The following GPHN variants were observed in gnomAD, a reference collection of about 807,000 sequenced individuals.
GPHN encodes gephyrin.
Under a neutral mutation model 95.5 loss-of-function variants are expected in GPHN, and 17 were observed. The ratio of observed to expected loss-of-function variants is 0.18; its 90% confidence interval spans 0.12 to 0.27. The LOEUF (loss-of-function observed/expected upper bound fraction) is 0.27, where lower values mean the gene tolerates loss of function less well. GPHN is among the 10% of genes least tolerant of loss of function. The pLI, the probability that GPHN is intolerant of heterozygous loss-of-function variation, is 1.00. For missense variants in GPHN, 660 were observed against 978.1 expected, an observed-to-expected ratio of 0.67 and a Z score of 4.34; for synonymous variants, 320 against 322.5, an observed-to-expected ratio of 0.99 and a Z score of 0.08.
the GPHN span, chr14:67,447,406 A>G: frequency 6.6e-6 from 1 of 152,234 alleles, no homozygotes; most frequent in African/African-American, 2.4e-5. Context: ...GGAAGATTTG[A>G]ATTTAAAGCA....
intron 1 of GPHN, among the ~76,000 whole-genome samples, chr14:66,622,868 C>T (rs968238781): frequency 6.6e-6 from 1 of 152,188 alleles, no homozygotes; most frequent in African/African-American, 2.4e-5. Context: ...TCCAAACTTT[C>T]CCAGATTTTC....
At chr14:67,089,129 T>A in intron 12 of GPHN, 54 bp downstream of exon 12, 1 of 476,556 alleles carries the variant, frequency 2.1e-6, no homozygotes, top group Non-Finnish European at 3.0e-6. Flanking sequence ...TTTTTTCTTT[T>A]TTTCTTTTTT....
At chr14:67,727,084 C>T in the GPHN span, 5 of 1,614,180 alleles carry the variant, frequency 3.1e-6, no homozygotes, top group South Asian at 1.1e-5. Flanking sequence ...GCAAGATTCC[C>T]TTCCACGACC....
chr14:66,932,462 T>TG lies in GPHN; in HGVS notation c.828+8170_828+8171insG, dbSNP rs1567118523. Among the ~76,000 whole-genome samples, 92 of 131,326 alleles carry TG rather than the reference T, an allele frequency of 7.0e-4. 1 individual carries two copies. Among genetic ancestry groups the TG allele is most frequent in the Non-Finnish European group, 8.3e-4 (52 of 62,576 alleles). The allele number at this position is 131,326 out of a possible 152,430, so 86.2% of individuals were successfully genotyped here. On this transcript the variant is annotated intron_variant, in intron 8 of 22. Transcript: ENST00000478722. The stretch of plus-strand genomic sequence containing the variant: ...AGACCAGGTTTTTTTTTTTTTTTTT[T>TG]TTTTTTTTTTTTTTTTTTCAGTGCA...
chr14:67,340,661 C>G, the GPHN span: 3 of 693,402 alleles, frequency 4.3e-6, no homozygotes, highest in South Asian at 3.7e-5. Flanking sequence ...AATAAAAACA[C>G]AAAGAAGCTC....
chr14:67,556,334 C>T, the GPHN span, among the ~76,000 whole-genome samples: 1 of 152,192 alleles, frequency 6.6e-6, no homozygotes, highest in Non-Finnish European at 1.5e-5. Context: ...TGGGGTCTTG[C>T]TATGTTGCCC....
chr14:66,944,468 C>CA (rs1259612972), intron 8 of GPHN, among the ~76,000 whole-genome samples: 1 of 152,200 alleles, frequency 6.6e-6, no homozygotes, highest in Non-Finnish European at 1.5e-5. Context: ...TCATGCAAAT[C>CA]ACACCAGATT....
the GPHN span, among the ~76,000 whole-genome samples, chr14:67,625,650 A>G: frequency 6.9e-6 from 1 of 144,970 alleles, no homozygotes; most frequent in African/African-American, 2.6e-5. Context: ...ATTGCAGTCC[A>G]GCCTGGGCAA....
the GPHN span, among the ~76,000 whole-genome samples, chr14:67,624,352 G>A: frequency 6.6e-6 from 1 of 152,204 alleles, no homozygotes; most frequent in African/African-American, 2.4e-5. Context: ...AATGAGAACT[G>A]TATTAGTCTG....
the GPHN span, among the ~76,000 whole-genome samples, chr14:67,327,738 T>C: frequency 2.0e-3 from 309 of 151,960 alleles, no homozygotes; most frequent in African/African-American, 7.0e-3. Context: ...GAACATGCAG[T>C]GTTTGGTTTT....
At chr14:66,802,309 C>T (rs1363438751) in intron 3 of GPHN, among the ~76,000 whole-genome samples, 2 of 152,122 alleles carry the variant, frequency 1.3e-5, no homozygotes, top group African/African-American at 4.8e-5. Context: ...CCCAAAGGCT[C>T]TTCTATCAGT....
At position 66,508,203 on chromosome 14, in the gene GPHN, T is replaced by G. The variant is rs776360772; in HGVS notation, c.-325T>G. 25 of 512,852 alleles carry G rather than the reference T, an allele frequency of 4.9e-5. No individual in the cohort carries two copies. The highest frequency in any genetic ancestry group is 3.1e-4 in the African/African-American group (16 of 51,672). 31.8% of individuals were successfully genotyped at this position (512,852 alleles called of 1,614,324 possible). A position where few individuals can be genotyped will look rare whatever the true frequency, so the allele number is the denominator to read the frequency against. On this transcript the variant is annotated 5_prime_UTR_variant, in exon 1 of 23. Transcript: ENST00000478722. ...TTGGGTCTCGCGCTCCGCAGAGCGT[T>G]CCGACACTCTCCGGCCTCGTTCTGC...
intron 1 of GPHN, among the ~76,000 whole-genome samples, chr14:66,655,721 A>G (rs2065268200): frequency 6.6e-6 from 1 of 151,632 alleles, no homozygotes; most frequent in Non-Finnish European, 1.5e-5. Flanking sequence ...ATTAAGAATG[A>G]TGTTAGTAGA....
intron 2 of GPHN, among the ~76,000 whole-genome samples, chr14:66,717,418 T>A (rs370359446): frequency 3.9e-5 from 6 of 152,338 alleles, no homozygotes; most frequent in African/African-American, 1.2e-4. Context: ...CATTTTTTTT[T>A]ATTTCCTTGC....
the GPHN span, among the ~76,000 whole-genome samples, chr14:67,341,928 G>C: frequency 6.6e-6 from 1 of 151,884 alleles, no homozygotes; most frequent in Non-Finnish European, 1.5e-5. Flanking sequence ...GTCCACTCAG[G>C]GTTAAATGGA....
chr14:66,897,326 C>G (rs1596311591), intron 5 of GPHN, among the ~76,000 whole-genome samples: 1 of 152,048 alleles, frequency 6.6e-6, no homozygotes, highest in Non-Finnish European at 1.5e-5. Flanking sequence ...TTTTGATATA[C>G]TGATTTCCTT....
the GPHN span, chr14:67,728,233 A>G: frequency 6.6e-6 from 1 of 152,244 alleles, no homozygotes; most frequent in African/African-American, 2.4e-5. Context: ...CAGTAGAAGA[A>G]GACGGTAATC....
intron 2 of GPHN, among the ~76,000 whole-genome samples, chr14:66,689,475 T>C (rs937166631): frequency 1.3e-5 from 2 of 152,208 alleles, no homozygotes; most frequent in Non-Finnish European, 2.9e-5. Context: ...TTGGTAATTT[T>C]TGCTTCTATG....
chr14:66,924,838 T>A (rs2066401259), intron 8 of GPHN, among the ~76,000 whole-genome samples: 1 of 152,096 alleles, frequency 6.6e-6, no homozygotes, highest in African/African-American at 2.4e-5. Flanking sequence ...GCATATTTGT[T>A]TATTCAGTCA....
Sources: gnomAD v4.1 joint callset for allele counts (sites outside exome capture counted in the v4.1 genomes callset) on GRCh38, gnomAD v4.1.1 for gene constraint, MANE v1.5 for transcripts, NCBI Gene and HGNC (gene_info 2026-07-23, HGNC 2026-07-21) for gene names.